Variants in PTPRJ observed in about 807,000 individuals in gnomAD.
The protein encoded by PTPRJ is protein tyrosine phosphatase receptor type J, also known as receptor-type tyrosine-protein phosphatase eta.
Under a neutral mutation model 141.3 loss-of-function variants are expected in PTPRJ, and 129 were observed. The ratio of observed to expected loss-of-function variants is 0.91; its 90% CI spans 0.79 to 1.06. PTPRJ has a LOEUF of 1.06. Among genes scored for constraint, PTPRJ ranks in the 50% least tolerant of loss-of-function variants. The pLI is 0.00. For missense variants in PTPRJ, 1,601 were observed against 1,679.7 expected (o/e 0.95, Z 0.82); for synonymous variants, 610 against 640.5 (o/e 0.95, Z 0.72).
intron 1 of PTPRJ, among the ~76,000 whole-genome samples, chr11:48,034,489 C>T (rs907262260): frequency 6.6e-6 from 1 of 152,088 alleles, no homozygotes; most frequent in East Asian, 1.9e-4. Flanking sequence ...TAAAGGATAC[C>T]TCTATTCCCC....
intron 1 of PTPRJ, among the ~76,000 whole-genome samples, chr11:48,089,266 C>G (rs1590487246): frequency 6.6e-6 from 1 of 152,110 alleles, no homozygotes; most frequent in Non-Finnish European, 1.5e-5. Flanking sequence ...CCTATAATCC[C>G]AGAACTTTGG....
chr11:47,980,624 C>G lies in PTPRJ; in HGVS notation c.-289C>G. 1.0e-6 allele frequency: 1 copy of G among 983,822 alleles called. No individual in the cohort carries two copies. Among genetic ancestry groups the G allele is most frequent in the Non-Finnish European group, 1.2e-6 (1 of 829,838 alleles). The allele number at this position is 983,822 out of a possible 1,614,324, so 60.9% of individuals were successfully genotyped here. A position where few individuals can be genotyped will look rare whatever the true frequency, so the allele number is the denominator to read the frequency against. ...GCCGCGGGAGCCGGGACCGGGTAGC[C>G]GCGCGCTGGGGGTGGGCGCCGCTCG... On this transcript the variant is annotated 5_prime_UTR_variant, in exon 1 of 25. Transcript: ENST00000418331.
chr11:48,112,748 C>G lies in PTPRJ; in HGVS notation c.117C>G (p.Thr39=). 1 of 1,607,088 alleles carries G rather than the reference C, an allele frequency of 6.2e-7. No homozygotes were observed. Among genetic ancestry groups the G allele is most frequent in the Non-Finnish European group, 8.5e-7 (1 of 1,173,578 alleles). ...TAATTGTTTACTTTCTTTGCATAGCCCCTAGTCCAATTCCTGACCCTTCAG... is the reference window on the plus strand; with the variant it reads ...TAATTGTTTACTTTCTTTGCATAGCGCCTAGTCCAATTCCTGACCCTTCAG... ...RLGQILCAGG[T]PSPIPDPSVA... Residue 39 remains threonine, a splice_region_variant and synonymous_variant, in exon 3 of 25, where the codon ACC becomes ACG. Transcript: ENST00000418331.
chr11:48,140,747 A>T (rs1857212326), intron 11 of PTPRJ, among the ~76,000 whole-genome samples: 1 of 152,382 alleles, frequency 6.6e-6, no homozygotes, highest in East Asian at 1.9e-4. Context: ...AGTGAAAAGG[A>T]ATAGCCGAAA....
intron 15 of PTPRJ, among the ~76,000 whole-genome samples, 177 bp from the exon 16 acceptor site, chr11:48,149,270 A>G (rs1470626836): frequency 6.6e-6 from 1 of 152,182 alleles, no homozygotes; most frequent in Non-Finnish European, 1.5e-5. Flanking sequence ...TAGCATTTGC[A>G]GCTTGGGTCA....
At chr11:48,098,082 G>A (rs1856059837) in intron 1 of PTPRJ, among the ~76,000 whole-genome samples, 1 of 152,160 alleles carries the variant, frequency 6.6e-6, no homozygotes. Context: ...CTAGGATCTT[G>A]TCCCCTTTAT....
rs1857364676 is a variant in PTPRJ at position 48,146,961 on chromosome 11, G to C, written c.2997G>C (p.Lys999Asn). The change falls in exon 15 of 25, where the codon AAG becomes AAC. Residue 999 changes from lysine to asparagine, a missense_variant and splice_region_variant. Transcript: ENST00000418331. Reference sequence around the variant, plus strand: ...GAGGCTTCATCTTCTGGAGAAAGAAGAGGTGATATTGCTTATGCTAATAAT... The same window carrying C: ...GAGGCTTCATCTTCTGGAGAAAGAACAGGTGATATTGCTTATGCTAATAAT... ...TVGGFIFWRK[K>N]RKDAKNNEVS... 1.2e-6 allele frequency: 2 copies of C among 1,612,108 alleles called. No individual in the cohort carries two copies. Among genetic ancestry groups the C allele is most frequent in the Non-Finnish European group, 1.7e-6 (2 of 1,178,262 alleles).
At chr11:48,148,278 T>C (rs1159666561) in intron 15 of PTPRJ, among the ~76,000 whole-genome samples, 1 of 152,148 alleles carries the variant, frequency 6.6e-6, no homozygotes, top group East Asian at 1.9e-4. Flanking sequence ...CAAAAATAAA[T>C]AGGAAATCTG....
chr11:48,010,717 G>A (rs562168748), intron 1 of PTPRJ, among the ~76,000 whole-genome samples: 3 of 151,536 alleles, frequency 2.0e-5, no homozygotes, highest in Non-Finnish European at 2.9e-5. Context: ...TGTATTTTTA[G>A]TAGAGATGAG....
At chr11:48,149,864 T>C (rs1857437786) in intron 16 of PTPRJ, 126 bp from the exon 17 acceptor site, 1 of 681,474 alleles carries the variant, frequency 1.5e-6, no homozygotes, top group Non-Finnish European at 2.5e-6. Flanking sequence ...ATAATAGTAC[T>C]CTGACCCCCT....
intron 8 of PTPRJ, among the ~76,000 whole-genome samples, chr11:48,134,275 A>G (rs772544130): frequency 4.3e-4 from 65 of 152,228 alleles, no homozygotes; most frequent in Admixed American, 8.5e-4. Context: ...TACTCAGTCT[A>G]TACCACAACT....
At chr11:48,025,682 C>A (rs1853787132) in intron 1 of PTPRJ, among the ~76,000 whole-genome samples, 1 of 152,238 alleles carries the variant, frequency 6.6e-6, no homozygotes, top group Admixed American at 6.5e-5. Context: ...GGACTCTCCA[C>A]TGCTCCCTAC....
At chr11:48,160,135 A>C in intron 22 of PTPRJ, 86 bp downstream of exon 22, 1 of 1,523,090 alleles carries the variant, frequency 6.6e-7, no homozygotes, top group Non-Finnish European at 9.0e-7. Flanking sequence ...ATATTAACTA[A>C]TATGTTTTCC....
chr11:48,126,486 C>T (rs1448641864), intron 6 of PTPRJ, among the ~76,000 whole-genome samples: 4 of 152,020 alleles, frequency 2.6e-5, no homozygotes, highest in Non-Finnish European at 5.9e-5. Context: ...ATTTATTTCT[C>T]AGGGTTCTGG....
At chr11:48,151,791 C>T (rs933161693) in intron 18 of PTPRJ, among the ~76,000 whole-genome samples, 1 of 152,162 alleles carries the variant, frequency 6.6e-6, no homozygotes, top group Admixed American at 6.5e-5. Flanking sequence ...CCTTTTATGG[C>T]TGCATAGTAT....
intron 1 of PTPRJ, among the ~76,000 whole-genome samples, chr11:48,061,450 G>A (rs1224065122): frequency 2.6e-5 from 4 of 152,226 alleles, no homozygotes; most frequent in Non-Finnish European, 4.4e-5. Flanking sequence ...GTGCTCAGAG[G>A]TGCTGCAGTA....
chr11:48,103,707 C>T (rs1408444596), intron 1 of PTPRJ, among the ~76,000 whole-genome samples: 2 of 152,138 alleles, frequency 1.3e-5, no homozygotes, highest in African/African-American at 4.8e-5. Flanking sequence ...GAACTCTATA[C>T]CCGTATGTAT....
At chr11:48,107,992 G>A (rs1856339130) in intron 1 of PTPRJ, among the ~76,000 whole-genome samples, 1 of 152,222 alleles carries the variant, frequency 6.6e-6, no homozygotes, top group African/African-American at 2.4e-5. Context: ...GCTTAGGTGA[G>A]AGGATCGCTT....
chr11:48,079,490 C>T lies in PTPRJ; in HGVS notation c.97-30568C>T, dbSNP rs116477663. On this transcript the variant is annotated intron_variant, in intron 1 of 24. Transcript: ENST00000418331. ...AGTAAATGCAGACACTGGATGGTAG[C>T]GAGTTCAGTGCAGTTTTTATGGAGG... 5.8e-3 allele frequency among the ~76,000 whole-genome samples: 878 copies of T among 151,876 alleles called. 8 individuals are homozygous for T. The highest frequency in any genetic ancestry group is 0.014 in the African/African-American group (587 of 41,390).
Sources: allele counts gnomAD v4.1 joint callset (sites outside exome capture counted in the v4.1 genomes callset), GRCh38; gene constraint gnomAD v4.1.1; transcripts MANE v1.5; gene names NCBI Gene and HGNC (gene_info 2026-07-23, HGNC 2026-07-21).